The following BPIFB4 variants were observed in gnomAD, a reference collection of about 807,000 sequenced individuals.
BPIFB4 encodes BPI fold containing family B member 4.
BPIFB4 carries 62 observed loss-of-function variants against 69.2 expected under a neutral mutation model. The ratio of observed to expected loss-of-function variants is 0.90; its 90% CI spans 0.73 to 1.11. The LOEUF is 1.11. BPIFB4 is among the 50% of genes least tolerant of loss of function. BPIFB4 has a pLI of 0.00. For missense variants in BPIFB4, 789 were observed against 792.0 expected, an observed-to-expected ratio of 1.00 and a Z score of 0.04; for synonymous variants, 330 against 332.7, an observed-to-expected ratio of 0.99 and a Z score of 0.09.
chr20:33,082,242 C>T (rs777449459), intron 3 of BPIFB4, among the ~76,000 whole-genome samples: 1 of 152,190 alleles, frequency 6.6e-6, no homozygotes, highest in East Asian at 1.9e-4. Context: ...CCTCACAGGC[C>T]TCAATCTTTC....
Position 33,086,092 on chromosome 20 carries a change from C to G in BPIFB4, c.854C>G (p.Thr285Arg). ...AAGGTCCGGCTGACCATGGACCGCA[C>G]GGGTTATCCTCGGCTGGTCATTGAG... ...TAKVRLTMDR[T>R]GYPRLVIERC... The change falls in exon 7 of 18, where the codon ACG (threonine) becomes AGG (arginine). Residue 285 changes from threonine to arginine, a missense_variant. Thr to Arg is a moderately conservative substitution (Grantham distance 71). Coordinates refer to ENST00000375483, the MANE Select transcript of BPIFB4 (RefSeq NM_182519.3). 2 of 1,613,492 alleles carry G rather than the reference C, an allele frequency of 1.2e-6. No homozygotes were observed. Among genetic ancestry groups the G allele is most frequent in the Non-Finnish European group, 1.7e-6 (2 of 1,179,488 alleles).
rs778196320 is a variant in BPIFB4 at position 33,111,432 on chromosome 20, G to A, written c.1840G>A (p.Ala614Thr). The A allele has an allele frequency of 3.7e-6, 6 of 1,614,002 alleles. No homozygotes were observed. Among genetic ancestry groups the A allele is most frequent in the African/African-American group, 1.3e-5 (1 of 75,040 alleles). The part of the protein sequence containing the change: ...DVLEDLLVLS[A>T] ...ATCCAAGGACCTTTTGGTGCTGAGC[G>A]CATGAGTGACAGAGGCAGAGATGCT... The change falls in exon 18 of 18, where the codon GCA (alanine) becomes ACA (threonine). Residue 614 changes from alanine (A) to threonine (T), a missense_variant. Physicochemically the swap from Ala to Thr is moderately conservative, Grantham distance 58. This residue lies in a region of BPIFB4 where 170 missense variants were observed against 193.6 expected (regional missense o/e 0.88). Transcript: ENST00000375483.
At chr20:33,102,846 A>T in intron 14 of BPIFB4, 126 bp from the exon 15 acceptor site, 1 of 972,970 alleles carries the variant, frequency 1.0e-6, no homozygotes, top group Non-Finnish European at 1.6e-6. Flanking sequence ...TGTTCTTATT[A>T]AATCCCTGCA....
At chr20:33,093,719 A>G (rs1336393842) in intron 11 of BPIFB4, among the ~76,000 whole-genome samples, 1 of 150,026 alleles carries the variant, frequency 6.7e-6, no homozygotes, top group East Asian at 2.0e-4. Flanking sequence ...CCATTTACCC[A>G]TCAACCCACT....
chr20:33,095,031 C>A, intron 11 of BPIFB4, 69 bp from the exon 12 acceptor site: 1 of 1,421,792 alleles, frequency 7.0e-7, no homozygotes, highest in Non-Finnish European at 9.9e-7. Context: ...AGTTTAATCA[C>A]TGTATTAGCA....
intron 9 of BPIFB4, among the ~76,000 whole-genome samples, chr20:33,090,289 A>G (rs1387879507): frequency 6.6e-6 from 1 of 152,220 alleles, no homozygotes; most frequent in Non-Finnish European, 1.5e-5. Flanking sequence ...GAGATGAGGA[A>G]GGAAGAGCCC....
At position 33,095,134 on chromosome 20, in the gene BPIFB4, T is replaced by C; in HGVS notation, c.1379T>C (p.Leu460Pro). Residue 460 changes from leucine to proline, a missense_variant, in exon 12 of 18, where the codon CTG becomes CCG. This residue lies in a region of BPIFB4 where 170 missense variants were observed against 193.6 expected (regional missense o/e 0.88). Coordinates refer to ENST00000375483, the MANE Select transcript of BPIFB4 (RefSeq NM_182519.3). ...CTTCCTCCACTTACCACAGCCACAC[T>C]GGGAGCCCTGATCCCCAAGGTATGT... ...EELPPLTTAT[L>P]GALIPKVFQQ... is the part of the protein sequence containing the mutation. 3 of 1,612,716 alleles carry C rather than the reference T, an allele frequency of 1.9e-6. No individual in the cohort carries two copies. Among genetic ancestry groups the C allele is most frequent in the Non-Finnish European group, 2.5e-6 (3 of 1,178,676 alleles).
At chr20:33,096,024 C>T (rs1209108203) in intron 12 of BPIFB4, among the ~76,000 whole-genome samples, 1 of 152,114 alleles carries the variant, frequency 6.6e-6, no homozygotes, top group Non-Finnish European at 1.5e-5. Context: ...ACATTTTTCA[C>T]CTCTTTTCTG....
At chr20:33,084,066 T>C (rs907528304) in intron 5 of BPIFB4, among the ~76,000 whole-genome samples, 192 bp downstream of exon 5, 2 of 152,130 alleles carry the variant, frequency 1.3e-5, no homozygotes, top group Non-Finnish European at 2.9e-5. Flanking sequence ...AGTCCTAAGT[T>C]TGAGACCCAG....
Position 33,107,476 on chromosome 20 carries a change from C to CA in BPIFB4, c.1745-261dup, listed in dbSNP as rs916345400. 5.0e-3 allele frequency among the ~76,000 whole-genome samples: 761 copies of CA among 151,818 alleles called. 6 individuals are homozygous for CA. The highest frequency in any genetic ancestry group is 0.017 in the African/African-American group (712 of 41,396). ...ACAAAAAACAAAACAAACAAACAAA[C>CA]AAAAAAAGCAAAAATTAGGCATGTT... is the stretch of plus-strand genomic sequence containing the variant. On this transcript the variant is annotated intron_variant, in intron 16 of 17. Transcript: ENST00000375483.
intron 10 of BPIFB4, 61 bp downstream of exon 10, chr20:33,090,860 G>A: frequency 1.3e-6 from 2 of 1,597,372 alleles, no homozygotes; most frequent in Non-Finnish European, 8.6e-7. Context: ...AGGAGTATCA[G>A]TGAGGCCCTC....
rs1319861913 is a variant in BPIFB4 at position 33,083,635 on chromosome 20, G to T, written c.438G>T (p.Arg146Ser). The T allele has an allele frequency of 1.2e-6, 2 of 1,614,104 alleles. No homozygotes were observed. The highest frequency in any genetic ancestry group is 2.2e-5 in the South Asian group (2 of 91,066). ...GATACAGGGCAGCACCTGTGGGCAG[G>T]CTTCACCGGCGAGAGCTGCAGCCTG... ...LGRYRAAPVG[R>S]LHRRELQPGE... The change falls in exon 5 of 18, where the codon AGG becomes AGT. Residue 146 changes from arginine to serine, a missense_variant. This residue lies in a region of BPIFB4 where 611 missense variants were observed against 575.4 expected (regional missense o/e 1.06). Coordinates refer to ENST00000375483, the MANE Select transcript of BPIFB4 (RefSeq NM_182519.3).
At chr20:33,099,256 T>A (rs2057261) in intron 13 of BPIFB4, among the ~76,000 whole-genome samples, 3 of 151,916 alleles carry the variant, frequency 2.0e-5, no homozygotes, top group Non-Finnish European at 4.4e-5. Flanking sequence ...AGTTGGGAAT[T>A]AGGTGCTCTA....
At chr20:33,110,810 G>GT (rs1982215416) in intron 17 of BPIFB4, among the ~76,000 whole-genome samples, 1 of 130,830 alleles carries the variant, frequency 7.6e-6, no homozygotes, top group African/African-American at 2.9e-5. Context: ...TTATTTTGTT[G>GT]AAGTTTTTTT....
chr20:33,094,644 T>C (rs1044151750), intron 11 of BPIFB4, among the ~76,000 whole-genome samples: 30 of 152,070 alleles, frequency 2.0e-4, no homozygotes, highest in Non-Finnish European at 2.4e-4. Flanking sequence ...GTAGCTGGGA[T>C]TACAGGCATG....
At chr20:33,087,086 A>G (rs757887273) in intron 7 of BPIFB4, among the ~76,000 whole-genome samples, 29 of 152,222 alleles carry the variant, frequency 1.9e-4, no homozygotes, top group Non-Finnish European at 3.2e-4. Flanking sequence ...GATGGAGGCA[A>G]AGAAAATCAG....
At chr20:33,104,907 T>C in intron 16 of BPIFB4, 34 bp downstream of exon 16, 1 of 1,604,780 alleles carries the variant, frequency 6.2e-7, no homozygotes, top group Non-Finnish European at 8.5e-7. Flanking sequence ...TCTGGGAGCT[T>C]GTGGCTTGGG....
rs148384178 is a variant in BPIFB4, at chr20:33,086,058, A to C, written c.820A>C (p.Ile274Leu). The change falls in exon 7 of 18, where the codon ATC (isoleucine) becomes CTC (leucine). Residue 274 changes from isoleucine to leucine, a missense_variant. Around this residue, in one of 3 missense-constraint regions of BPIFB4, gnomAD observed 611 missense variants for 575.4 expected, o/e 1.06. Transcript: ENST00000375483. ...GFLDIAVEVN[I>L]TAKVRLTMDR... ...CCTGGACATCGCAGTAGAAGTGAAC[A>C]TCACAGCCAAGGTCCGGCTGACCAT... The C allele has an allele frequency of 6.2e-7, 1 of 1,613,130 alleles. No individual in the cohort carries two copies. Among genetic ancestry groups the C allele is most frequent in the South Asian group, 1.1e-5 (1 of 91,060 alleles).
chr20:33,102,092 C>A (rs1041476729), intron 14 of BPIFB4, among the ~76,000 whole-genome samples: 1 of 152,184 alleles, frequency 6.6e-6, no homozygotes, highest in Admixed American at 6.5e-5. Context: ...GAGTAGGGGC[C>A]AGCTGGGCAA....
Sources: gnomAD v4.1 joint callset for allele counts (sites outside exome capture counted in the v4.1 genomes callset) on GRCh38, gnomAD v4.1.1 for gene constraint, gnomAD v4.1.1 regional missense constraint, MANE v1.5 for transcripts, NCBI Gene and HGNC (gene_info 2026-07-23, HGNC 2026-07-21) for gene names.